The following EPB41L4A variants were observed in gnomAD, a reference collection of about 807,000 sequenced individuals.
The protein encoded by EPB41L4A is band 4.1-like protein 4A.
In EPB41L4A, 100 loss-of-function variants were observed where a neutral mutation model predicts 108.6. That is an observed-to-expected ratio of 0.92 (90% CI 0.78 to 1.09). EPB41L4A has a LOEUF of 1.09. Among genes scored for constraint, EPB41L4A ranks in the 50% least tolerant of loss-of-function variants. The probability of loss-of-function intolerance (pLI) is 0.00; values close to 1 mark genes in which losing one functional copy is unlikely to be tolerated. For missense variants in EPB41L4A, 1,030 were observed against 842.7 expected (o/e 1.22, Z -2.75); for synonymous variants, 319 against 289.0 (o/e 1.10, Z -1.05).
chr5:112,243,258 C>CAT (rs199895675), intron 9 of EPB41L4A, among the ~76,000 whole-genome samples: 2 of 139,794 alleles, frequency 1.4e-5, no homozygotes, highest in East Asian at 2.1e-4. Flanking sequence ...CACACACACA[C>CAT]ATATATATAT....
Position 112,170,946 on chromosome 5 carries a change from GA to G in EPB41L4A, c.1668del (p.Gln557LysfsTer15). ...ATAAGAAAGAAAACTATTACTCACT[GA>G]ATGTGCTTCCATAACTCTTCTTTTG... ...IQAKEELWKH[I>X]QKELVDPSGL... On this transcript the variant is annotated frameshift_variant and splice_region_variant, in exon 19 of 23. Transcript: ENST00000261486. LOFTEE classifies it high-confidence loss of function. The G allele has an allele frequency of 2.5e-6, 4 of 1,612,922 alleles. No homozygotes were observed. Among genetic ancestry groups the G allele is most frequent in the Non-Finnish European group, 3.4e-6 (4 of 1,178,958 alleles).
intron 1 of EPB41L4A, among the ~76,000 whole-genome samples, chr5:112,361,523 TA>T (rs796244863): frequency 0.041 from 3,283 of 81,012 alleles, 51 homozygotes; most frequent in South Asian, 0.069. Flanking sequence ...AATAAATACT[TA>T]AAAAAAAAAA....
chr5:112,230,088 T>A (rs1748774232), intron 12 of EPB41L4A, among the ~76,000 whole-genome samples: 1 of 152,180 alleles, frequency 6.6e-6, no homozygotes, highest in Non-Finnish European at 1.5e-5. Flanking sequence ...TTCTATAGTG[T>A]ACATAGTAAT....
intron 12 of EPB41L4A, among the ~76,000 whole-genome samples, chr5:112,220,162 T>A (rs573941263): frequency 6.6e-6 from 1 of 152,200 alleles, no homozygotes; most frequent in Non-Finnish European, 1.5e-5. Context: ...ATGTTCAAAA[T>A]AAGTAGAGGT....
At chr5:112,286,460 T>TGA (rs1232131616) in intron 2 of EPB41L4A, among the ~76,000 whole-genome samples, 1 of 152,182 alleles carries the variant, frequency 6.6e-6, no homozygotes, top group Non-Finnish European at 1.5e-5. Context: ...TCTTGACACT[T>TGA]TCTCCTCTGT....
intron 9 of EPB41L4A, among the ~76,000 whole-genome samples, chr5:112,255,040 T>C (rs960251181): frequency 7.9e-5 from 12 of 152,108 alleles, no homozygotes; most frequent in African/African-American, 2.7e-4. Flanking sequence ...GGATCCTTCC[T>C]GCTCCACATT....
chr5:112,151,757 T>A (rs1268829122), intron 12 of EPB41L4A, among the ~76,000 whole-genome samples: 1 of 150,760 alleles, frequency 6.6e-6, no homozygotes. Context: ...TGAGACAGAG[T>A]TTCTCTATTG....
At position 112,194,648 on chromosome 5, in the gene EPB41L4A, G is replaced by A. The variant is rs1325671046; in HGVS notation, c.1425-3C>T. On this transcript the variant is annotated splice_polypyrimidine_tract_variant and splice_region_variant and intron_variant, in intron 16 of 22. Coordinates refer to ENST00000261486, the MANE Select transcript of EPB41L4A (RefSeq NM_022140.5). ...TGGTGTTACAGCGTGAACGTGACCT[G>A]AAGACAAAAAGGTAAGAACAAAAGA... The A allele has an allele frequency of 6.3e-7, 1 of 1,593,178 alleles. No individual in the cohort carries two copies. Among genetic ancestry groups the A allele is most frequent in the African/African-American group, 1.4e-5 (1 of 73,678 alleles).
At chr5:112,240,868 T>G in intron 9 of EPB41L4A, 58 bp from the exon 10 acceptor site, 3 of 1,032,256 alleles carry the variant, frequency 2.9e-6, no homozygotes, top group Non-Finnish European at 4.3e-6. Context: ...GATAGCATTC[T>G]TCAAATAACA....
At chr5:112,284,931 C>G (rs1753188273) in intron 2 of EPB41L4A, among the ~76,000 whole-genome samples, 1 of 152,164 alleles carries the variant, frequency 6.6e-6, no homozygotes, top group African/African-American at 2.4e-5. Context: ...TCCTTGGTAA[C>G]AGTCTCAGAA....
At chr5:112,357,338 A>G (rs1197199422) in intron 1 of EPB41L4A, among the ~76,000 whole-genome samples, 1 of 152,178 alleles carries the variant, frequency 6.6e-6, no homozygotes, top group Non-Finnish European at 1.5e-5. Context: ...ACCAAGCTAT[A>G]AGGTTGGGCC....
chr5:112,312,908 C>A (rs1220103989), intron 1 of EPB41L4A, among the ~76,000 whole-genome samples: 1 of 152,264 alleles, frequency 6.6e-6, no homozygotes, highest in East Asian at 1.9e-4. Flanking sequence ...AAATGAAGAA[C>A]TGACAGAGAA....
In EPB41L4A at chr5:112,307,458, G is replaced by T. The variant is rs776024376; in HGVS notation, c.132C>A (p.His44Gln). 6.2e-7 allele frequency: 1 copy of T among 1,613,076 alleles called. No individual in the cohort carries two copies. Among genetic ancestry groups the T allele is most frequent in the South Asian group, 1.1e-5 (1 of 91,032 alleles). The change falls in exon 2 of 23, where the codon CAC becomes CAA. Residue 44 changes from histidine (H) to glutamine (Q), a missense_variant. Physicochemically the swap from His to Gln is conservative, Grantham distance 24. Coordinates refer to ENST00000261486, the MANE Select transcript of EPB41L4A (RefSeq NM_022140.5). The stretch of plus-strand genomic sequence containing the variant: ...CCACAAGGTTTACGTGATGGAATAC[G>T]TGGTCAAGGACAACGGAACCTTTCG... Reference protein sequence around the residue: ...KSTKGSVVLDHVFHHVNLVEI... With the variant: ...KSTKGSVVLDQVFHHVNLVEI...
intron 6 of EPB41L4A, 163 bp downstream of exon 6, chr5:112,264,733 C>T (rs1241740237): frequency 1.5e-5 from 9 of 615,148 alleles, no homozygotes; most frequent in Admixed American, 3.4e-5. Context: ...CTGAAGTTTT[C>T]GATGAGCATT....
intron 1 of EPB41L4A, among the ~76,000 whole-genome samples, chr5:112,329,671 G>T (rs146821564): frequency 6.6e-6 from 1 of 152,240 alleles, no homozygotes; most frequent in East Asian, 1.9e-4. Context: ...CTGTTCAGTG[G>T]CTCCACAATA....
chr5:112,291,607 T>G (rs879551655), intron 2 of EPB41L4A, among the ~76,000 whole-genome samples: 5 of 152,164 alleles, frequency 3.3e-5, no homozygotes, highest in Admixed American at 2.6e-4. Context: ...TTAAGACCTT[T>G]CCCTGTGTTC....
chr5:112,241,208 G>A (rs1370819493), intron 9 of EPB41L4A, among the ~76,000 whole-genome samples: 3 of 152,082 alleles, frequency 2.0e-5, no homozygotes, highest in Non-Finnish European at 4.4e-5. Flanking sequence ...ATTACTTTCA[G>A]GGATGAACAA....
downstream of EPB41L4A, chr5:112,158,549 T>C: frequency 5.2e-6 from 1 of 192,832 alleles, no homozygotes; most frequent in South Asian, 8.4e-5. Context: ...ATTCTCATGC[T>C]GCTGCCAATC....
chr5:112,228,421 T>C (rs917690458), intron 12 of EPB41L4A: 1 of 152,268 alleles, frequency 6.6e-6, no homozygotes, highest in Admixed American at 6.5e-5. Context: ...CAACCCCTTA[T>C]GCACTCTGTT....
Sources: allele counts gnomAD v4.1 joint callset (sites outside exome capture counted in the v4.1 genomes callset), GRCh38; gene constraint gnomAD v4.1.1; transcripts MANE v1.5; gene names NCBI Gene and HGNC (gene_info 2026-07-23, HGNC 2026-07-21).